The following EPHX1 variants were observed in gnomAD, a reference collection of about 807,000 sequenced individuals.
The protein encoded by EPHX1 is epoxide hydrolase 1, also known as epoxide hydratase.
Under a neutral mutation model 43.2 loss-of-function variants are expected in EPHX1, and 40 were observed. The ratio of observed to expected loss-of-function variants is 0.93; its 90% CI spans 0.72 to 1.21. EPHX1 has a LOEUF of 1.21. Among genes scored for constraint, EPHX1 ranks in the 50% most tolerant of loss-of-function variants. EPHX1 has a pLI of 0.00. For synonymous variants in EPHX1, 221 were observed against 226.7 expected, an observed-to-expected ratio of 0.98 and a Z score of 0.22; for missense variants, 550 against 570.4, an observed-to-expected ratio of 0.96 and a Z score of 0.36.
At chr1:225,828,068 G>T (rs971258716) in intron 1 of EPHX1, among the ~76,000 whole-genome samples, 1 of 152,150 alleles carries the variant, frequency 6.6e-6, no homozygotes, top group Non-Finnish European at 1.5e-5. Flanking sequence ...TGAGGCTGTC[G>T]GGCGCCGTGG....
intron 3 of EPHX1, among the ~76,000 whole-genome samples, chr1:225,835,510 C>T (rs765621388): frequency 6.6e-6 from 1 of 151,732 alleles, no homozygotes; most frequent in Non-Finnish European, 1.5e-5. Flanking sequence ...CTGCCTCAGC[C>T]TCCCGAGTAG....
intron 1 of EPHX1, 64 bp downstream of exon 1, chr1:225,810,233 G>C (rs1666404556): frequency 6.6e-6 from 1 of 151,260 alleles, no homozygotes; most frequent in Non-Finnish European, 1.5e-5. Flanking sequence ...GGCTCCGCGC[G>C]GGCTCGGCCG....
rs1668862505 is a variant in EPHX1, at chr1:225,845,265, G to A, written c.1286G>A (p.Gly429Glu). ...ATCTCCTATTCCTACATGGTTCGTGGGGGCCACTTTGCGGCCTTTGAGGAG... is the reference window on the plus strand; with the variant it reads ...ATCTCCTATTCCTACATGGTTCGTGAGGGCCACTTTGCGGCCTTTGAGGAG... ...KLISYSYMVR[G>E]GHFAAFEEPE... Residue 429 changes from glycine (G) to glutamate (E), a missense_variant, in exon 9 of 9, where the codon GGG (glycine) becomes GAG (glutamate). Physicochemically the swap from Gly to Glu is moderately conservative, Grantham distance 98. Transcript: ENST00000272167. 6.2e-7 allele frequency: 1 copy of A among 1,613,700 alleles called. No individual in the cohort carries two copies.
chr1:225,827,810 T>TA (rs1429209588), intron 1 of EPHX1, among the ~76,000 whole-genome samples: 4 of 152,244 alleles, frequency 2.6e-5, no homozygotes, highest in Non-Finnish European at 5.9e-5. Context: ...TATGTTTCAA[T>TA]AAAGCTCTTA....
At position 225,845,292 on chromosome 1, in the gene EPHX1, C is replaced by G. The variant is rs771188836; in HGVS notation, c.1313C>G (p.Pro438Arg). ...GGCCACTTTGCGGCCTTTGAGGAGCCGGAGCTGCTCGCCCAGGACATCCGC... is the reference window on the plus strand; with the variant it reads ...GGCCACTTTGCGGCCTTTGAGGAGCGGGAGCTGCTCGCCCAGGACATCCGC... ...RGGHFAAFEEPELLAQDIRKF... is the reference protein window; with the variant it reads ...RGGHFAAFEERELLAQDIRKF... Residue 438 changes from proline to arginine, a missense_variant, in exon 9 of 9, where the codon CCG becomes CGG. Pro to Arg is a moderately radical substitution (Grantham distance 103). Transcript: ENST00000272167. The G allele has an allele frequency of 3.1e-6, 5 of 1,612,686 alleles. No homozygotes were observed. The highest frequency in any genetic ancestry group is 3.4e-6 in the Non-Finnish European group (4 of 1,180,014).
At chr1:225,845,108 C>T (rs542476719) in intron 8 of EPHX1, 38 bp from the exon 9 acceptor site, 2 of 1,607,920 alleles carry the variant, frequency 1.2e-6, no homozygotes, top group Admixed American at 3.3e-5. Flanking sequence ...GGGCGCAGGG[C>T]CACAGCCTCA....
intron 5 of EPHX1, among the ~76,000 whole-genome samples, chr1:225,839,599 C>T (rs1332262343): frequency 6.6e-6 from 1 of 152,110 alleles, no homozygotes; most frequent in African/African-American, 2.4e-5. Context: ...CATTAGACCT[C>T]TCTGCTGGAC....
chr1:225,838,183 C>T (rs1303670627), intron 3 of EPHX1, among the ~76,000 whole-genome samples: 1 of 152,224 alleles, frequency 6.6e-6, no homozygotes, highest in African/African-American at 2.4e-5. Context: ...TATACATCTA[C>T]CTTGTCAGTT....
In EPHX1 at chr1:225,817,735, G is replaced by A. The variant is rs1317900802; in HGVS notation, c.-6+7566G>A. ...ATTAGAGAAACACAGTCAGAGCCAG[G>A]CCTGCCCAACTGTCGCAGGGCTGGG... On this transcript the variant is annotated intron_variant, in intron 1 of 8. Transcript: ENST00000272167. The surrounding 1 kb of genome is among the most constrained non-coding windows in gnomAD (Gnocchi z 5.7). Among the ~76,000 whole-genome samples the A allele has an allele frequency of 6.6e-6, 1 of 152,232 alleles. No individual in the cohort carries two copies. Among genetic ancestry groups the A allele is most frequent in the Admixed American group, 6.5e-5 (1 of 15,290 alleles).
At chr1:225,824,337 G>T (rs905459853) in intron 1 of EPHX1, among the ~76,000 whole-genome samples, 1 of 152,188 alleles carries the variant, frequency 6.6e-6, no homozygotes, top group African/African-American at 2.4e-5. Context: ...GAGTTGGGGT[G>T]CAACACACCC....
At chr1:225,810,258 G>A (rs1171707484) in intron 1 of EPHX1, 89 bp downstream of exon 1, 4 of 151,274 alleles carry the variant, frequency 2.6e-5, no homozygotes, top group African/African-American at 4.8e-5. Context: ...GGTGGGCGGC[G>A]GGCCGGGGCG....
chr1:225,833,004 C>T (rs1307383964), intron 3 of EPHX1, among the ~76,000 whole-genome samples: 6 of 152,184 alleles, frequency 3.9e-5, no homozygotes, highest in African/African-American at 1.4e-4. Context: ...TTTTCAGAGA[C>T]AAGGTCTTGC....
chr1:225,840,126 C>G, intron 6 of EPHX1, 89 bp downstream of exon 6: 1 of 1,252,752 alleles, frequency 8.0e-7, no homozygotes, highest in South Asian at 1.2e-5. Context: ...CACCCCAATG[C>G]TGCCCACAGA....
intron 4 of EPHX1, 61 bp from the exon 5 acceptor site, chr1:225,839,156 G>A: frequency 6.2e-7 from 1 of 1,612,084 alleles, no homozygotes; most frequent in Non-Finnish European, 8.5e-7. Flanking sequence ...GAACACCAGA[G>A]GGCCCAAGGA....
At chr1:225,834,621 T>G (rs1667857978) in intron 3 of EPHX1, among the ~76,000 whole-genome samples, 1 of 151,058 alleles carries the variant, frequency 6.6e-6, no homozygotes, top group Non-Finnish European at 1.5e-5. Context: ...CTGGAATGAT[T>G]TTTTGGATCA....
chr1:225,839,724 C>G (rs753102454), intron 5 of EPHX1, 105 bp from the exon 6 acceptor site: 32 of 1,247,256 alleles, frequency 2.6e-5, no homozygotes, highest in Middle Eastern at 2.6e-4. Flanking sequence ...GAGGCTGGCT[C>G]TGTGCTCGCT....
rs946799166 is a variant in EPHX1, at chr1:225,822,242, A to G, written c.-5-6483A>G. ...TATCTTCCAGTCACGTTTTTAAAAA[A>G]AATCATGCTGGTTTGCAACAAAAAT... is the stretch of plus-strand genomic sequence containing the variant. On this transcript the variant is annotated intron_variant, in intron 1 of 8. Coordinates refer to ENST00000272167, the MANE Select transcript of EPHX1 (RefSeq NM_001136018.4). Among the ~76,000 whole-genome samples, 3 of 152,310 alleles carry G rather than the reference A, an allele frequency of 2.0e-5. No individual in the cohort carries two copies. The East Asian group carries it at 5.8e-4, about 29-fold the overall frequency.
At chr1:225,845,100 G>A (rs1339279513) in intron 8 of EPHX1, 46 bp from the exon 9 acceptor site, 1 of 1,604,200 alleles carries the variant, frequency 6.2e-7, no homozygotes, top group Non-Finnish European at 8.5e-7. Flanking sequence ...GGACGGAGGG[G>A]CGCAGGGCCA....
chr1:225,838,844 C>A lies in EPHX1; in HGVS notation c.555C>A (p.Ile185=). Residue 185 remains isoleucine (I), a synonymous_variant, in exon 4 of 9, where the codon ATC becomes ATA. Transcript: ENST00000272167. ...TTTTTGAAGTCATCTGCCCTTCCAT[C>A]CCTGGCTATGGCTTCTCAGAGGCAT... ...EHVFEVICPS[I]PGYGFSEASS... 6.2e-7 allele frequency: 1 copy of A among 1,614,238 alleles called. No homozygotes were observed. The highest frequency in any genetic ancestry group is 8.5e-7 in the Non-Finnish European group (1 of 1,180,040).
Sources: allele counts gnomAD v4.1 joint callset (sites outside exome capture counted in the v4.1 genomes callset), GRCh38; gene constraint gnomAD v4.1.1; non-coding constraint Gnocchi (gnomAD v3.1); transcripts MANE v1.5; gene names NCBI Gene and HGNC (gene_info 2026-07-23, HGNC 2026-07-21).